The following SLC24A3 variants were observed in gnomAD, a reference collection of about 807,000 sequenced individuals.
SLC24A3 encodes solute carrier family 24 member 3, also known as sodium/potassium/calcium exchanger 3.
In SLC24A3, 28 loss-of-function variants were observed where a neutral mutation model predicts 75.8. That is an observed-to-expected ratio of 0.37 (90% CI 0.27 to 0.51). SLC24A3 has a LOEUF of 0.51. Among genes scored for constraint, SLC24A3 ranks in the 20% least tolerant of loss-of-function variants. The probability of loss-of-function intolerance (pLI) is 0.94; values close to 1 mark genes in which losing one functional copy is unlikely to be tolerated. For synonymous variants in SLC24A3, 372 were observed against 334.1 expected (o/e 1.11, Z -1.24); for missense variants, 663 against 847.8 (o/e 0.78, Z 2.71).
At chr20:19,600,247 C>T (rs2031511852) in intron 6 of SLC24A3, among the ~76,000 whole-genome samples, 2 of 152,226 alleles carry the variant, frequency 1.3e-5, no homozygotes, top group Admixed American at 6.5e-5. Context: ...CATTAGGAGG[C>T]GCCATTTCTC....
At chr20:19,455,070 C>T (rs906207613) in intron 2 of SLC24A3, among the ~76,000 whole-genome samples, 1 of 152,094 alleles carries the variant, frequency 6.6e-6, no homozygotes, top group Non-Finnish European at 1.5e-5. Flanking sequence ...ATACCTAACC[C>T]TCATATTTCA....
intron 12 of SLC24A3, among the ~76,000 whole-genome samples, chr20:19,692,752 CTT>C (rs534710139): frequency 1.3e-5 from 2 of 151,892 alleles, no homozygotes; most frequent in Admixed American, 6.5e-5. Flanking sequence ...TTCAAATCCT[CTT>C]TGAAGATTCC....
chr20:19,354,400 G>T (rs1985634772), intron 2 of SLC24A3, among the ~76,000 whole-genome samples: 1 of 152,146 alleles, frequency 6.6e-6, no homozygotes, highest in Non-Finnish European at 1.5e-5. Flanking sequence ...GGGGTCAGGT[G>T]CAGGGGGTTG....
chr20:19,719,522 C>T (rs550245131), intron 16 of SLC24A3, among the ~76,000 whole-genome samples: 4 of 151,530 alleles, frequency 2.6e-5, no homozygotes, highest in Admixed American at 6.6e-5. Context: ...AGCTCTGTGC[C>T]GTGGGGATAA....
At chr20:19,327,747 T>C (rs556565879) in intron 2 of SLC24A3, among the ~76,000 whole-genome samples, 12 of 152,352 alleles carry the variant, frequency 7.9e-5, no homozygotes, top group African/African-American at 2.9e-4. Flanking sequence ...GGGTGCATCC[T>C]TCTTGTTTTG....
chr20:19,472,191 G>A (rs1987884919), intron 2 of SLC24A3, among the ~76,000 whole-genome samples: 1 of 152,200 alleles, frequency 6.6e-6, no homozygotes, highest in Non-Finnish European at 1.5e-5. Flanking sequence ...ATGGTGGGTA[G>A]CTTTCAACAT....
chr20:19,396,393 G>A (rs1600463381), intron 2 of SLC24A3, among the ~76,000 whole-genome samples: 1 of 152,158 alleles, frequency 6.6e-6, no homozygotes, highest in East Asian at 1.9e-4. Flanking sequence ...TATTGAGATA[G>A]TATCATCAAC....
chr20:19,500,777 A>G (rs1016416084), intron 2 of SLC24A3, among the ~76,000 whole-genome samples: 5 of 152,192 alleles, frequency 3.3e-5, no homozygotes, highest in African/African-American at 9.7e-5. Context: ...GGTGCAACAC[A>G]GCTTCTTCAA....
chr20:19,555,867 A>G (rs2030774286), intron 3 of SLC24A3, among the ~76,000 whole-genome samples: 1 of 152,230 alleles, frequency 6.6e-6, no homozygotes, highest in South Asian at 2.1e-4. Context: ...ACAAAAAGAC[A>G]TGGAATGTGT....
At chr20:19,242,649 TTTTC>T (rs1441200945) in intron 1 of SLC24A3, 1 of 152,194 alleles carries the variant, frequency 6.6e-6, no homozygotes, top group Non-Finnish European at 1.5e-5. Context: ...GTGTTGAAGA[TTTTC>T]TTTAACTCAT....
At chr20:19,583,023 C>A (rs2031240681) in intron 4 of SLC24A3, among the ~76,000 whole-genome samples, 1 of 152,148 alleles carries the variant, frequency 6.6e-6, no homozygotes, top group African/African-American at 2.4e-5. Flanking sequence ...GACGTCAGCA[C>A]TAAGCTGGGC....
intron 6 of SLC24A3, among the ~76,000 whole-genome samples, chr20:19,653,549 C>T (rs182731035): frequency 4.6e-5 from 7 of 152,306 alleles, no homozygotes; most frequent in Admixed American, 3.3e-4. Context: ...CGGGGCAAGA[C>T]AGGCTGTAGC....
At chr20:19,547,637 T>C (rs1325172398) in intron 3 of SLC24A3, among the ~76,000 whole-genome samples, 1 of 152,244 alleles carries the variant, frequency 6.6e-6, no homozygotes, top group Non-Finnish European at 1.5e-5. Flanking sequence ...CTCTCCTTTG[T>C]CCAGCAAAGA....
At chr20:19,512,823 G>T (rs1416510598) in intron 2 of SLC24A3, among the ~76,000 whole-genome samples, 2 of 152,222 alleles carry the variant, frequency 1.3e-5, no homozygotes, top group African/African-American at 4.8e-5. Context: ...GGGGCGGAAA[G>T]TAAAGAGCTA....
chr20:19,392,086 A>G (rs892244797), intron 2 of SLC24A3, among the ~76,000 whole-genome samples: 1 of 152,194 alleles, frequency 6.6e-6, no homozygotes, highest in Non-Finnish European at 1.5e-5. Context: ...CAGTAGGTAT[A>G]CAATTAATGT....
At chr20:19,521,276 C>G (rs16980729) in intron 3 of SLC24A3, among the ~76,000 whole-genome samples, 19,463 of 152,168 alleles carry the variant, frequency 0.13, 1,396 homozygotes, top group African/African-American at 0.17. Context: ...TGGTCAGTTT[C>G]CTAATTTATA....
intron 1 of SLC24A3, among the ~76,000 whole-genome samples, chr20:19,240,827 C>G (rs554804320): frequency 1.3e-5 from 2 of 152,316 alleles, no homozygotes; most frequent in South Asian, 4.1e-4. Flanking sequence ...TCACTAGCCC[C>G]TGGCTGCCCC....
intron 1 of SLC24A3, among the ~76,000 whole-genome samples, chr20:19,255,141 T>A (rs1333630534): frequency 6.6e-6 from 1 of 152,244 alleles, no homozygotes; most frequent in Non-Finnish European, 1.5e-5. Context: ...AGACCTCATC[T>A]ACCCAGGCGT....
At chr20:19,347,883 G>A (rs1381787044) in intron 2 of SLC24A3, among the ~76,000 whole-genome samples, 1 of 152,186 alleles carries the variant, frequency 6.6e-6, no homozygotes, top group Non-Finnish European at 1.5e-5. Context: ...AGACCTACTT[G>A]ATGGGGTTGT....
Sources: gnomAD v4.1 joint callset for allele counts (sites outside exome capture counted in the v4.1 genomes callset) on GRCh38, gnomAD v4.1.1 for gene constraint, MANE v1.5 for transcripts, NCBI Gene and HGNC (gene_info 2026-07-23, HGNC 2026-07-21) for gene names.